The following FRRS1L variants were observed in gnomAD, a reference collection of about 807,000 sequenced individuals.
FRRS1L encodes DOMON domain-containing protein FRRS1L.
A neutral mutation model predicts 28.6 loss-of-function variants in FRRS1L; 22 were observed. The ratio of observed to expected loss-of-function variants is 0.77; its 90% CI spans 0.55 to 1.10. FRRS1L has a LOEUF of 1.10. FRRS1L is among the 50% of genes least tolerant of loss of function. FRRS1L has a pLI of 0.00. For missense variants in FRRS1L, 380 were observed against 386.9 expected (o/e 0.98, Z 0.15); for synonymous variants, 158 against 151.4 (o/e 1.04, Z -0.32).
chr9:109,131,800 A>G lies in FRRS1L; in HGVS notation c.*5655T>C, dbSNP rs1479303625. 2.0e-5 allele frequency: 3 copies of G among 152,214 alleles called. No individual in the cohort carries two copies. Among genetic ancestry groups the G allele is most frequent in the Admixed American group, 6.5e-5 (1 of 15,276 alleles). The allele number at this position is 152,214 out of a possible 1,614,324, so 9.4% of individuals were successfully genotyped here. A position where few individuals can be genotyped will look rare whatever the true frequency, so the allele number is the denominator to read the frequency against. On this transcript the variant is annotated 3_prime_UTR_variant, in exon 5 of 5. Coordinates refer to ENST00000561981, the MANE Select transcript of FRRS1L (RefSeq NM_014334.4). ...ACATAACCAATTCCGTTTAGAGAACAAGGACATACAATTATACACGGCAGC... is the reference window on the plus strand; with the variant it reads ...ACATAACCAATTCCGTTTAGAGAACGAGGACATACAATTATACACGGCAGC...
At chr9:109,153,037 A>G (rs887684408) in intron 1 of FRRS1L, among the ~76,000 whole-genome samples, 1 of 152,134 alleles carries the variant, frequency 6.6e-6, no homozygotes, top group Non-Finnish European at 1.5e-5. Flanking sequence ...CATGCCTTTA[A>G]TAACATTTTC....
intron 3 of FRRS1L, among the ~76,000 whole-genome samples, chr9:109,143,368 C>T (rs1831213151): frequency 6.6e-6 from 1 of 152,156 alleles, no homozygotes; most frequent in Non-Finnish European, 1.5e-5. Context: ...ATGCATGTAC[C>T]ATCCTGTGCA....
At chr9:109,140,689 A>C (rs1454819577) in intron 4 of FRRS1L, 1 of 151,690 alleles carries the variant, frequency 6.6e-6, no homozygotes. Flanking sequence ...CTTCCTGTTC[A>C]GTACTTTTTA....
chr9:109,134,837 T>A lies in FRRS1L; in HGVS notation c.*2618A>T, dbSNP rs1209200320. ...AGAGAGAAATATAAAAATATTTGCT[T>A]CTTATTTACAACATGGCTGCCTGCA... On this transcript the variant is annotated 3_prime_UTR_variant, in exon 5 of 5. Transcript: ENST00000561981. The A allele has an allele frequency of 6.6e-6, 1 of 152,148 alleles. No homozygotes were observed. The highest frequency in any genetic ancestry group is 1.5e-5 in the Non-Finnish European group (1 of 68,018). 9.4% of individuals were successfully genotyped at this position (152,148 alleles called of 1,614,324 possible). A position where few individuals can be genotyped will look rare whatever the true frequency, so the allele number is the denominator to read the frequency against.
At chr9:109,149,144 G>A (rs967102156) in intron 2 of FRRS1L, among the ~76,000 whole-genome samples, 1 of 152,162 alleles carries the variant, frequency 6.6e-6, no homozygotes, top group Non-Finnish European at 1.5e-5. Context: ...CCGTCATGTC[G>A]TGATACTACT....
At chr9:109,166,475 C>T (rs1418744985) in intron 1 of FRRS1L, among the ~76,000 whole-genome samples, 4 of 152,150 alleles carry the variant, frequency 2.6e-5, no homozygotes, top group Admixed American at 6.5e-5. Context: ...GGCAACCTCT[C>T]TCTTTAGGTT....
chr9:109,140,258 C>G (rs1022558050), intron 4 of FRRS1L: 1 of 152,306 alleles, frequency 6.6e-6, no homozygotes, highest in African/African-American at 2.4e-5. Flanking sequence ...TCAAGACCAG[C>G]CTGGGCAATA....
rs1251168225 is a variant in FRRS1L, at chr9:109,133,873, A to C, written c.*3582T>G. 1.3e-5 allele frequency: 2 copies of C among 152,214 alleles called. No homozygotes were observed. The highest frequency in any genetic ancestry group is 4.8e-5 in the African/African-American group (2 of 41,450). The allele number at this position is 152,214 out of a possible 1,614,324, so 9.4% of individuals were successfully genotyped here. A position where few individuals can be genotyped will look rare whatever the true frequency, so the allele number is the denominator to read the frequency against. ...ACATAAAATAGAAGTTGATTCTCTT[A>C]TATTTAAGTAGGGATGAATGAAACT... On this transcript the variant is annotated 3_prime_UTR_variant, in exon 5 of 5. Coordinates refer to ENST00000561981, the MANE Select transcript of FRRS1L (RefSeq NM_014334.4).
chr9:109,137,606 A>G lies in FRRS1L; in HGVS notation c.731T>C (p.Ile244Thr), dbSNP rs777520519. Residue 244 changes from isoleucine to threonine, a missense_variant, in exon 5 of 5, where the codon ATA (isoleucine) becomes ACA (threonine). By Grantham distance (89) the Ile-to-Thr change is moderately conservative. Transcript: ENST00000561981. Reference sequence around the variant, plus strand: ...ACGCTCTGAAGCCGGCGGTGAGTCTATATCATGTCGAGTGATAGAGCCTTT... The same window carrying G: ...ACGCTCTGAAGCCGGCGGTGAGTCTGTATCATGTCGAGTGATAGAGCCTTT... ...AIQGSITRHD[I>T]DSPPASERVV... is the part of the protein sequence containing the mutation. The G allele has an allele frequency of 7.5e-6, 12 of 1,598,318 alleles. No individual in the cohort carries two copies. Among genetic ancestry groups the G allele is most frequent in the East Asian group, 2.2e-5 (1 of 44,786 alleles).
intron 1 of FRRS1L, among the ~76,000 whole-genome samples, chr9:109,153,753 GAA>G: frequency 6.6e-6 from 1 of 152,132 alleles, no homozygotes; most frequent in Non-Finnish European, 1.5e-5. Flanking sequence ...TGTAGGAACT[GAA>G]TTGCAGTACA....
rs750103312 is a variant in FRRS1L at position 109,160,791 on chromosome 9, C to CTTTT, written c.238+6106_238+6109dup. Among the ~76,000 whole-genome samples the CTTTT allele has an allele frequency of 1.3e-3, 153 of 114,372 alleles. 2 individuals are homozygous for CTTTT. The highest frequency in any genetic ancestry group is 3.0e-3 in the African/African-American group (89 of 29,688). 75.0% of individuals were successfully genotyped at this position (114,372 alleles called of 152,430 possible). ...GCCGCCATCTTTCTGAGAAAGAAATCTTTTTTTTTTTTTTTTTTTTAGACA... is the reference window on the plus strand; with the variant it reads ...GCCGCCATCTTTCTGAGAAAGAAATCTTTTTTTTTTTTTTTTTTTTTTTTAGACA... On this transcript the variant is annotated intron_variant, in intron 1 of 4. Transcript: ENST00000561981.
rs1314111527 is a variant in FRRS1L, at chr9:109,131,165, TAATTA to T, written c.*6285_*6289del. On this transcript the variant is annotated 3_prime_UTR_variant, in exon 5 of 5. Transcript: ENST00000561981. ...TACTTGAATAACTGAATAAGGAACC[TAATTA>T]AATACAAAACCTGTATAGGTTGCAT... The T allele has an allele frequency of 6.6e-6, 1 of 152,234 alleles. No individual in the cohort carries two copies. The highest frequency in any genetic ancestry group is 1.5e-5 in the Non-Finnish European group (1 of 68,040). The allele number at this position is 152,234 out of a possible 1,614,324, so 9.4% of individuals were successfully genotyped here.
intron 3 of FRRS1L, among the ~76,000 whole-genome samples, chr9:109,146,024 C>T (rs1409228201): frequency 6.6e-6 from 1 of 152,020 alleles, no homozygotes; most frequent in Non-Finnish European, 1.5e-5. Flanking sequence ...GGTGAAACCT[C>T]GTCTCTACTA....
At position 109,141,440 on chromosome 9, in the gene FRRS1L, G is replaced by C. The variant is rs1831184034; in HGVS notation, c.612C>G (p.Cys204Trp). Residue 204 changes from cysteine (C) to tryptophan (W), a missense_variant, in exon 4 of 5, where the codon TGC becomes TGG. Cys to Trp is a radical substitution (Grantham distance 215). Transcript: ENST00000561981. ...GAACATTCACAGGGCGTTTAAATCT[G>C]CAGGTGACGCGATTGTTCTCAAAAA... Reference protein sequence around the residue: ...EGVFENNRVTCRFKRPVNVPR... With the variant: ...EGVFENNRVTWRFKRPVNVPR... 1 of 1,614,102 alleles carries C rather than the reference G, an allele frequency of 6.2e-7. No individual in the cohort carries two copies. Among genetic ancestry groups the C allele is most frequent in the Non-Finnish European group, 8.5e-7 (1 of 1,179,992 alleles).
At chr9:109,166,206 G>A (rs1056718358) in intron 1 of FRRS1L, among the ~76,000 whole-genome samples, 4 of 152,228 alleles carry the variant, frequency 2.6e-5, no homozygotes, top group Admixed American at 6.5e-5. Context: ...ACCACCATCC[G>A]CTTGGCTTTT....
intron 1 of FRRS1L, among the ~76,000 whole-genome samples, chr9:109,160,795 T>G (rs1412521847): frequency 4.7e-5 from 7 of 148,222 alleles, no homozygotes; most frequent in Non-Finnish European, 1.0e-4. Context: ...AGAAATCTTT[T>G]TTTTTTTTTT....
chr9:109,137,442 C>T lies in FRRS1L; in HGVS notation c.*13G>A, dbSNP rs374679996. The T allele has an allele frequency of 1.3e-6, 2 of 1,519,700 alleles. No individual in the cohort carries two copies. The highest frequency in any genetic ancestry group is 1.8e-6 in the Non-Finnish European group (2 of 1,124,724). The allele number at this position is 1,519,700 out of a possible 1,614,324, so 94.1% of individuals were successfully genotyped here. On this transcript the variant is annotated 3_prime_UTR_variant, in exon 5 of 5. Coordinates refer to ENST00000561981, the MANE Select transcript of FRRS1L (RefSeq NM_014334.4). ...TTCCCAATCCATGTAATCTGTTGGC[C>T]CTGCAGCTGTGGTTAGGGGGTTCCC...
intron 3 of FRRS1L, among the ~76,000 whole-genome samples, chr9:109,144,873 C>T (rs1169536816): frequency 3.3e-5 from 5 of 152,000 alleles, no homozygotes; most frequent in South Asian, 2.1e-4. Context: ...TTAGTAGAGA[C>T]GGGGTTTCAC....
At chr9:109,157,636 C>T (rs1048511796) in intron 1 of FRRS1L, among the ~76,000 whole-genome samples, 3 of 152,150 alleles carry the variant, frequency 2.0e-5, no homozygotes, top group African/African-American at 7.2e-5. Flanking sequence ...GCCTTGGTCT[C>T]CCTATATCTT....
Sources: allele counts gnomAD v4.1 joint callset (sites outside exome capture counted in the v4.1 genomes callset), GRCh38; gene constraint gnomAD v4.1.1; transcripts MANE v1.5; gene names NCBI Gene and HGNC (gene_info 2026-07-23, HGNC 2026-07-21).